The following KIF2C variants were observed in gnomAD, a reference collection of about 807,000 sequenced individuals.
KIF2C encodes kinesin-like protein KIF2C.
Under a neutral mutation model 97.4 loss-of-function variants are expected in KIF2C, and 34 were observed. The ratio of observed to expected loss-of-function variants is 0.35; its 90% confidence interval spans 0.27 to 0.46. KIF2C has a LOEUF of 0.46. KIF2C is among the 20% of genes least tolerant of loss of function. The pLI is 1.00. For synonymous variants in KIF2C, 313 were observed against 318.2 expected, an observed-to-expected ratio of 0.98 and a Z score of 0.17; for missense variants, 750 against 907.6, an observed-to-expected ratio of 0.83 and a Z score of 2.23.
At chr1:44,758,237 GAT>G in intron 13 of KIF2C, 97 bp downstream of exon 13, 5 of 375,926 alleles carry the variant, frequency 1.3e-5, no homozygotes. Flanking sequence ...CCTATTAGCT[GAT>G]TAGCTGTCAA....
intron 1 of KIF2C, 26 bp downstream of exon 1, chr1:44,740,028 G>T (rs967698206): frequency 3.7e-6 from 6 of 1,613,858 alleles, no homozygotes; most frequent in Non-Finnish European, 5.1e-6. Flanking sequence ...CCTAGGTCAA[G>T]GGGACTCGTG....
rs1253908483 is a variant in KIF2C at position 44,761,496 on chromosome 1, T to C, written c.1684-420T>C. Among the ~76,000 whole-genome samples the C allele has an allele frequency of 4.0e-5, 6 of 151,742 alleles. No homozygotes were observed. The South Asian group carries it at 8.3e-4, about 21-fold the overall frequency. On this transcript the variant is annotated intron_variant, in intron 16 of 20. Coordinates refer to ENST00000372224, the MANE Select transcript of KIF2C (RefSeq NM_006845.4). ...GGTGGCAGGTGCCTGTAGTCCCAGC[T>C]ACTCGGGAGGCTAAGGCAGGAGAAT...
intron 2 of KIF2C, chr1:44,746,338 CTGA>C (rs1435045519): frequency 4.1e-5 from 42 of 1,021,226 alleles, no homozygotes; most frequent in Non-Finnish European, 4.9e-5. Flanking sequence ...TTGCAGGACT[CTGA>C]TGATGTAAAC....
In KIF2C at chr1:44,760,848, CT is replaced by C. The variant is rs926637108; in HGVS notation, c.1683+147del. The C allele has an allele frequency of 1.5e-6, 1 of 647,490 alleles. No individual in the cohort carries two copies. Among genetic ancestry groups the C allele is most frequent in the Admixed American group, 2.6e-5 (1 of 38,642 alleles). 40.1% of individuals were successfully genotyped at this position (647,490 alleles called of 1,614,324 possible). On this transcript the variant is annotated intron_variant, in intron 16 of 20. Transcript: ENST00000372224. This position sits in a 1 kb window ranked among gnomAD's most constrained non-coding sequence, Gnocchi z 4.2. Reference sequence around the variant, plus strand: ...TGTACCGTGACTGGGCTTCCAGACCCTGCTTTAATGCACGAGACTCCTTGTG... The same window carrying C: ...TGTACCGTGACTGGGCTTCCAGACCCGCTTTAATGCACGAGACTCCTTGTG...
rs1650218734 is a variant in KIF2C, at chr1:44,762,542, C to T, written c.1858-3C>T. On this transcript the variant is annotated splice_polypyrimidine_tract_variant and splice_region_variant and intron_variant, in intron 18 of 20. Coordinates refer to ENST00000372224, the MANE Select transcript of KIF2C (RefSeq NM_006845.4). ...TAATTGTCTTTCTTTTTGGCCCTCT[C>T]AGTTATCCAAGGAAGAGGAGGAACT... 1 of 1,613,214 alleles carries T rather than the reference C, an allele frequency of 6.2e-7. No homozygotes were observed. The highest frequency in any genetic ancestry group is 2.2e-5 in the East Asian group (1 of 44,886).
Position 44,764,526 on chromosome 1 carries a change from G to A in KIF2C, c.1971+1868G>A, listed in dbSNP as rs568513154. 4.7e-5 allele frequency among the ~76,000 whole-genome samples: 7 copies of A among 150,214 alleles called. No individual in the cohort carries two copies. In the South Asian group the frequency reaches 1.5e-3, roughly 32 times the overall value. On this transcript the variant is annotated intron_variant, in intron 19 of 20. Coordinates refer to ENST00000372224, the MANE Select transcript of KIF2C (RefSeq NM_006845.4). ...GTTTGTTTGTTTGTTTGTTTTGGGG[G>A]GGGATGGAGTTTCGCTTTTGTCCCC...
intron 2 of KIF2C, among the ~76,000 whole-genome samples, chr1:44,743,579 A>G (rs776569172): frequency 3.3e-5 from 5 of 152,176 alleles, no homozygotes; most frequent in Non-Finnish European, 7.3e-5. Context: ...TCTTGAGGCC[A>G]GGAGTTTGAG....
At position 44,762,003 on chromosome 1, in the gene KIF2C, G is replaced by C. The variant is rs1350767802; in HGVS notation, c.1751+20G>C. 1.2e-6 allele frequency: 2 copies of C among 1,606,688 alleles called. No homozygotes were observed. The highest frequency in any genetic ancestry group is 4.5e-5 in the East Asian group (2 of 44,840). On this transcript the variant is annotated intron_variant, in intron 17 of 20. Coordinates refer to ENST00000372224, the MANE Select transcript of KIF2C (RefSeq NM_006845.4). ...AGACAGGTACTAGTACCTACAGCTA[G>C]GTGGGATGCGGAACAGGACTGGGCA... is the stretch of plus-strand genomic sequence containing the variant.
At chr1:44,744,090 G>GTTTTTTTTTTTT (rs938293832) in intron 2 of KIF2C, among the ~76,000 whole-genome samples, 1 of 70,636 alleles carries the variant, frequency 1.4e-5, no homozygotes, top group Non-Finnish European at 3.7e-5. Context: ...TTTTTTTTTT[G>GTTTTTTTTTTTT]TTTGTTTGTT....
intron 11 of KIF2C, 89 bp downstream of exon 11, chr1:44,757,735 G>A: frequency 8.8e-7 from 1 of 1,139,832 alleles, no homozygotes; most frequent in Non-Finnish European, 1.3e-6. Context: ...GTTGAGAAAG[G>A]CCCCTTGTTA....
intron 16 of KIF2C, 67 bp from the exon 17 acceptor site, chr1:44,761,849 C>A: frequency 6.8e-7 from 1 of 1,471,012 alleles, no homozygotes; most frequent in Non-Finnish European, 9.5e-7. Flanking sequence ...GGAGGCCCCT[C>A]AGGGACAGGC....
intron 4 of KIF2C, among the ~76,000 whole-genome samples, chr1:44,748,043 AT>A (rs775700087): frequency 3.3e-5 from 5 of 152,196 alleles, no homozygotes; most frequent in Non-Finnish European, 7.4e-5. Context: ...TTGGAAAGAG[AT>A]TTTGAAAATG....
chr1:44,762,537 CCT>C lies in KIF2C; in HGVS notation c.1858-4_1858-3del, dbSNP rs1650218472. On this transcript the variant is annotated splice_polypyrimidine_tract_variant and splice_region_variant and intron_variant, in intron 18 of 20. Transcript: ENST00000372224. ...TCACATAATTGTCTTTCTTTTTGGC[CCT>C]CTCAGTTATCCAAGGAAGAGGAGGA... is the stretch of plus-strand genomic sequence containing the variant. 1 of 1,612,720 alleles carries C rather than the reference CCT, an allele frequency of 6.2e-7. No individual in the cohort carries two copies. Among genetic ancestry groups the C allele is most frequent in the African/African-American group, 1.3e-5 (1 of 75,018 alleles).
Position 44,739,963 on chromosome 1 carries a change from C to A in KIF2C, c.31C>A (p.Leu11Met). The part of the protein sequence containing the change: MAMDSSLQAR[L>M]FPGLAIKIQR... The stretch of plus-strand genomic sequence containing the variant: ...CATGGACTCGTCGCTTCAGGCCCGC[C>A]TGTTTCCCGGTCTCGCTATCAAGAT... Residue 11 changes from leucine to methionine, a missense_variant, in exon 1 of 21, where the codon CTG (leucine) becomes ATG (methionine). Leu to Met is a conservative substitution (Grantham distance 15). Coordinates refer to ENST00000372224, the MANE Select transcript of KIF2C (RefSeq NM_006845.4). The A allele has an allele frequency of 6.2e-7, 1 of 1,614,238 alleles. No individual in the cohort carries two copies.
rs191425420 is a variant in KIF2C, at chr1:44,750,389, G to T, written c.317-53G>T. ...TACAGAAACTTGGAGGTTTGCCCCTGACCACCCTCGAGATCGTGCAGCACT... is the reference window on the plus strand; with the variant it reads ...TACAGAAACTTGGAGGTTTGCCCCTTACCACCCTCGAGATCGTGCAGCACT... On this transcript the variant is annotated intron_variant, in intron 4 of 20. Transcript: ENST00000372224. 3.3e-4 allele frequency: 444 copies of T among 1,326,710 alleles called. 2 individuals carry two copies. The Admixed American group carries it at 0.012, about 35-fold the overall frequency. 82.2% of individuals were successfully genotyped at this position (1,326,710 alleles called of 1,614,324 possible).
intron 19 of KIF2C, among the ~76,000 whole-genome samples, chr1:44,763,546 T>TA (rs894537232): frequency 6.6e-6 from 1 of 152,136 alleles, no homozygotes; most frequent in African/African-American, 2.4e-5. Context: ...GATCTGATGC[T>TA]AGAGTCTTCT....
Position 44,740,988 on chromosome 1 carries a change from G to A in KIF2C, c.146G>A (p.Gly49Asp), listed in dbSNP as rs1240185882. The A allele has an allele frequency of 1.2e-6, 2 of 1,613,512 alleles. No individual in the cohort carries two copies. Among genetic ancestry groups the A allele is most frequent in the African/African-American group, 1.3e-5 (1 of 74,912 alleles). Residue 49 changes from glycine (G) to aspartate (D), a missense_variant, in exon 2 of 21, where the codon GGT becomes GAT. Gly to Asp is a moderately conservative substitution (Grantham distance 94). Transcript: ENST00000372224. ...SCVSVEWAEGGATKGKEIDFD... is the reference protein window; with the variant it reads ...SCVSVEWAEGDATKGKEIDFD... ...GTTTCAGTGGAATGGGCAGAAGGAG[G>A]TGCCACAAAGGGCAAAGAGGTAGGT...
At chr1:44,756,399 C>G (rs1398040064) in intron 10 of KIF2C, among the ~76,000 whole-genome samples, 162 bp downstream of exon 10, 1 of 152,106 alleles carries the variant, frequency 6.6e-6, no homozygotes, top group African/African-American at 2.4e-5. Flanking sequence ...GTGGCCCATC[C>G]TTGAGTGGAT....
intron 19 of KIF2C, among the ~76,000 whole-genome samples, chr1:44,763,164 G>A (rs971068411): frequency 2.0e-5 from 3 of 148,712 alleles, no homozygotes; most frequent in South Asian, 2.1e-4. Flanking sequence ...GTATTTGAGC[G>A]TTCAGTAATA....
Sources: allele counts gnomAD v4.1 joint callset (sites outside exome capture counted in the v4.1 genomes callset), GRCh38; gene constraint gnomAD v4.1.1; non-coding constraint Gnocchi (gnomAD v3.1); transcripts MANE v1.5; gene names NCBI Gene and HGNC (gene_info 2026-07-23, HGNC 2026-07-21).